The following SLX4IP variants were observed in gnomAD, a reference collection of about 807,000 sequenced individuals.
The protein encoded by SLX4IP is SLX4 interacting protein, also known as protein SLX4IP.
In SLX4IP, 34 loss-of-function variants were observed where a neutral mutation model predicts 32.9. That is an observed-to-expected ratio of 1.03 (90% CI 0.79 to 1.38). The LOEUF is 1.38. Among genes scored for constraint, SLX4IP ranks in the 40% most tolerant of loss-of-function variants. The pLI, the probability that SLX4IP is intolerant of heterozygous loss-of-function variation, is 0.00. For synonymous variants in SLX4IP, 172 were observed against 171.7 expected (o/e 1.00, Z -0.01); for missense variants, 444 against 479.0 (o/e 0.93, Z 0.68).
intron 7 of SLX4IP, among the ~76,000 whole-genome samples, chr20:10,622,413 C>G (rs1484722634): frequency 6.6e-6 from 1 of 152,144 alleles, no homozygotes; most frequent in Admixed American, 6.5e-5. Context: ...CATCATAAAT[C>G]CATTTTTAAC....
At chr20:10,558,961 G>T (rs1200978806) in intron 3 of SLX4IP, among the ~76,000 whole-genome samples, 1 of 152,206 alleles carries the variant, frequency 6.6e-6, no homozygotes, top group Non-Finnish European at 1.5e-5. Flanking sequence ...AAGTTTGTGT[G>T]TATGAGCCTT....
chr20:10,454,553 A>C (rs1390707097), intron 1 of SLX4IP, among the ~76,000 whole-genome samples: 1 of 152,214 alleles, frequency 6.6e-6, no homozygotes, highest in Non-Finnish European at 1.5e-5. Flanking sequence ...GAGAAAAAGC[A>C]GTTGCCTGGC....
At chr20:10,453,140 A>C (rs1568687450) in intron 1 of SLX4IP, among the ~76,000 whole-genome samples, 1 of 152,230 alleles carries the variant, frequency 6.6e-6, no homozygotes, top group African/African-American at 2.4e-5. Flanking sequence ...TATTATAACT[A>C]TAAATGCTAG....
At chr20:10,622,303 G>A (rs1353019256) in intron 7 of SLX4IP, among the ~76,000 whole-genome samples, 2 of 128,696 alleles carry the variant, frequency 1.6e-5, no homozygotes, top group Non-Finnish European at 3.4e-5. Context: ...TGTACACAGA[G>A]CCTGAGTCTA....
At chr20:10,570,784 C>T (rs2066454525) in intron 4 of SLX4IP, among the ~76,000 whole-genome samples, 1 of 152,136 alleles carries the variant, frequency 6.6e-6, no homozygotes, top group African/African-American at 2.4e-5. Flanking sequence ...CCGCCTTGGC[C>T]TTCCAAAGTG....
chr20:10,536,273 A>G (rs2066043114), intron 2 of SLX4IP, among the ~76,000 whole-genome samples: 1 of 152,152 alleles, frequency 6.6e-6, no homozygotes, highest in African/African-American at 2.4e-5. Flanking sequence ...TATGCCTGTA[A>G]TGGCAGCATT....
chr20:10,617,545 T>C (rs2122567667), intron 6 of SLX4IP, among the ~76,000 whole-genome samples: 1 of 152,318 alleles, frequency 6.6e-6, no homozygotes, highest in Middle Eastern at 3.4e-3. Context: ...AGTAAGTCAC[T>C]GTGGGGTGAC....
At chr20:10,505,965 T>C (rs1025175758) in intron 2 of SLX4IP, among the ~76,000 whole-genome samples, 1 of 152,230 alleles carries the variant, frequency 6.6e-6, no homozygotes, top group Non-Finnish European at 1.5e-5. Context: ...GGTTATGATA[T>C]TGAAACTTCA....
chr20:10,468,619 T>A (rs141591413), intron 2 of SLX4IP, among the ~76,000 whole-genome samples: 1 of 152,348 alleles, frequency 6.6e-6, no homozygotes, highest in Non-Finnish European at 1.5e-5. Flanking sequence ...TCCCTCTGTT[T>A]GCTATCTCTC....
At chr20:10,617,656 T>C (rs540311607) in intron 6 of SLX4IP, among the ~76,000 whole-genome samples, 146 of 138,992 alleles carry the variant, frequency 1.1e-3, no homozygotes, top group South Asian at 2.5e-3. Flanking sequence ...TTCTTTCTTT[T>C]TTTTTTTTTT....
chr20:10,476,645 C>T lies in SLX4IP; in HGVS notation c.27+18414C>T, dbSNP rs555895802. On this transcript the variant is annotated intron_variant, in intron 2 of 7. Coordinates refer to ENST00000334534, the MANE Select transcript of SLX4IP (RefSeq NM_001009608.3). ...CAGTGCATTCTTGATCTGCTGCGCC[C>T]TCCTTGGGTTGGGGACTGGAATATT... 2.0e-5 allele frequency among the ~76,000 whole-genome samples: 3 copies of T among 152,294 alleles called. No individual in the cohort carries two copies. The South Asian group carries it at 6.2e-4, about 32-fold the overall frequency.
At chr20:10,558,861 T>TCGGTTA (rs1283314474) in intron 3 of SLX4IP, among the ~76,000 whole-genome samples, 1 of 152,178 alleles carries the variant, frequency 6.6e-6, no homozygotes, top group Non-Finnish European at 1.5e-5. Flanking sequence ...TGTGGTGTGG[T>TCGGTTA]CGGTTACTGG....
At chr20:10,515,194 C>T (rs2065839711) in intron 2 of SLX4IP, among the ~76,000 whole-genome samples, 1 of 144,808 alleles carries the variant, frequency 6.9e-6, no homozygotes, top group Non-Finnish European at 1.5e-5. Context: ...AACCTGTTCT[C>T]CTGCCTCAGC....
At chr20:10,485,029 G>A (rs2065560259) in intron 2 of SLX4IP, among the ~76,000 whole-genome samples, 1 of 152,008 alleles carries the variant, frequency 6.6e-6, no homozygotes, top group Non-Finnish European at 1.5e-5. Context: ...GGGAGACCTG[G>A]GAAACAGAGT....
intron 2 of SLX4IP, among the ~76,000 whole-genome samples, chr20:10,519,627 G>A (rs762922255): frequency 3.3e-5 from 5 of 152,156 alleles, no homozygotes; most frequent in Admixed American, 6.5e-5. Context: ...TCAGTTGAGG[G>A]ACATTTGGAT....
At chr20:10,503,919 C>A (rs1185867858) in intron 2 of SLX4IP, among the ~76,000 whole-genome samples, 2 of 152,156 alleles carry the variant, frequency 1.3e-5, no homozygotes, top group Non-Finnish European at 2.9e-5. Context: ...TAAAGATCTA[C>A]CCTAATGAGC....
chr20:10,560,100 A>G (rs2066314708), intron 3 of SLX4IP, among the ~76,000 whole-genome samples: 1 of 152,374 alleles, frequency 6.6e-6, no homozygotes, highest in Middle Eastern at 3.4e-3. Context: ...CTCCTTTTGA[A>G]CAAAGATCTA....
intron 4 of SLX4IP, among the ~76,000 whole-genome samples, chr20:10,590,105 T>C (rs2066689738): frequency 6.6e-6 from 1 of 152,172 alleles, no homozygotes; most frequent in Non-Finnish European, 1.5e-5. Flanking sequence ...GGTACATATT[T>C]GTTAAACAAA....
intron 2 of SLX4IP, among the ~76,000 whole-genome samples, chr20:10,535,655 A>G (rs1281618624): frequency 2.0e-5 from 3 of 152,138 alleles, no homozygotes; most frequent in African/African-American, 4.8e-5. Context: ...GTAAGAGTCA[A>G]GGTATGAACT....
Sources: allele counts gnomAD v4.1 joint callset (sites outside exome capture counted in the v4.1 genomes callset), GRCh38; gene constraint gnomAD v4.1.1; transcripts MANE v1.5; gene names NCBI Gene and HGNC (gene_info 2026-07-23, HGNC 2026-07-21).